The following CNTNAP5 variants were observed in gnomAD, a reference collection of about 807,000 sequenced individuals.
CNTNAP5 encodes the protein contactin associated protein family member 5, also known as contactin-associated protein-like 5.
Under a neutral mutation model 150.2 loss-of-function variants are expected in CNTNAP5, and 72 were observed. The ratio of observed to expected loss-of-function variants is 0.48; its 90% CI spans 0.40 to 0.58. CNTNAP5 has a LOEUF of 0.58. Ranked by LOEUF, CNTNAP5 falls within the 20% of genes least tolerant of loss-of-function variation. The pLI, the probability that CNTNAP5 is intolerant of heterozygous loss-of-function variation, is 0.00. For synonymous variants in CNTNAP5, 672 were observed against 619.8 expected (o/e 1.08, Z -1.25); for missense variants, 1,636 against 1,626.2 (o/e 1.01, Z -0.10).
chr2:124,760,618 T>G (rs1471252651), intron 14 of CNTNAP5, among the ~76,000 whole-genome samples: 3 of 152,150 alleles, frequency 2.0e-5, no homozygotes, highest in Admixed American at 2.0e-4. Context: ...TTGGTCATAC[T>G]AAAGTATTTT....
rs370847250 is a variant in CNTNAP5, at chr2:124,849,583, T to C, written c.3218-15723T>C. 9.2e-5 allele frequency among the ~76,000 whole-genome samples: 14 copies of C among 152,328 alleles called. No homozygotes were observed. The South Asian group carries it at 1.7e-3, about 18-fold the overall frequency. ...ATTGCTTTGAAATATACAATTGGAA[T>C]TTTAATAAGAACTGCATTGAATTTG... On this transcript the variant is annotated intron_variant, in intron 19 of 23. Transcript: ENST00000682447.
At chr2:124,098,257 A>G (rs1429496767) in intron 1 of CNTNAP5, among the ~76,000 whole-genome samples, 1 of 152,192 alleles carries the variant, frequency 6.6e-6, no homozygotes, top group Non-Finnish European at 1.5e-5. Flanking sequence ...TATATTTATT[A>G]TTTATTACCT....
chr2:124,385,390 A>G (rs968928449), intron 3 of CNTNAP5, among the ~76,000 whole-genome samples: 3 of 152,176 alleles, frequency 2.0e-5, no homozygotes, highest in African/African-American at 4.8e-5. Context: ...TATGAGATAT[A>G]CATGCCTATT....
intron 3 of CNTNAP5, among the ~76,000 whole-genome samples, chr2:124,303,317 A>G (rs2104648368): frequency 6.6e-6 from 1 of 152,332 alleles, no homozygotes; most frequent in South Asian, 2.1e-4. Flanking sequence ...CTTGTAAACT[A>G]TGTATTCAGT....
intron 1 of CNTNAP5, among the ~76,000 whole-genome samples, chr2:124,090,845 A>C (rs1273282047): frequency 6.6e-6 from 1 of 152,238 alleles, no homozygotes; most frequent in Admixed American, 6.5e-5. Context: ...CAACTAGATT[A>C]ATGCTGCACA....
intron 14 of CNTNAP5, among the ~76,000 whole-genome samples, chr2:124,761,951 C>T (rs568849324): frequency 2.0e-5 from 3 of 152,138 alleles, no homozygotes; most frequent in African/African-American, 7.2e-5. Context: ...GATGGGCAGA[C>T]TTTAGAAACT....
chr2:124,836,808 C>G (rs545659471), intron 19 of CNTNAP5, among the ~76,000 whole-genome samples: 7 of 152,182 alleles, frequency 4.6e-5, no homozygotes, highest in Non-Finnish European at 8.8e-5. Context: ...GTCATAATCC[C>G]CACTGAACAG....
chr2:124,678,579 A>G (rs918497925), intron 13 of CNTNAP5, among the ~76,000 whole-genome samples: 1 of 151,646 alleles, frequency 6.6e-6, no homozygotes, highest in African/African-American at 2.4e-5. Flanking sequence ...ATTAAATGTT[A>G]TGTCCTATGA....
intron 17 of CNTNAP5, among the ~76,000 whole-genome samples, chr2:124,785,323 T>A (rs1271751293): frequency 6.6e-6 from 1 of 152,176 alleles, no homozygotes; most frequent in Middle Eastern, 3.2e-3. Flanking sequence ...CAGTTGAGAA[T>A]TGCCATGCAA....
At chr2:124,082,975 T>G (rs998303778) in intron 1 of CNTNAP5, among the ~76,000 whole-genome samples, 3 of 152,236 alleles carry the variant, frequency 2.0e-5, no homozygotes, top group African/African-American at 7.2e-5. Flanking sequence ...ATTTGCCCAG[T>G]TGTAACTGGA....
At chr2:124,029,881 T>C (rs1188878314) in intron 1 of CNTNAP5, among the ~76,000 whole-genome samples, 1 of 152,114 alleles carries the variant, frequency 6.6e-6, no homozygotes, top group African/African-American at 2.4e-5. Context: ...TTATCCCCCT[T>C]AGATGAGAAG....
At chr2:124,793,382 T>C (rs964836746) in intron 18 of CNTNAP5, among the ~76,000 whole-genome samples, 1 of 152,222 alleles carries the variant, frequency 6.6e-6, no homozygotes, top group African/African-American at 2.4e-5. Context: ...AAATTTTTCT[T>C]CTTTTTACTA....
chr2:124,038,430 C>A (rs1165017806), intron 1 of CNTNAP5, among the ~76,000 whole-genome samples: 1 of 152,054 alleles, frequency 6.6e-6, no homozygotes, highest in Non-Finnish European at 1.5e-5. Flanking sequence ...ATAATTTGTT[C>A]AATGTCCAGT....
chr2:124,121,903 G>C (rs1683570763), intron 1 of CNTNAP5, among the ~76,000 whole-genome samples: 1 of 152,164 alleles, frequency 6.6e-6, no homozygotes. Flanking sequence ...AGTGCCTGCT[G>C]TGAACTGTAC....
chr2:124,204,828 A>G (rs572595425), intron 1 of CNTNAP5, among the ~76,000 whole-genome samples: 6 of 152,284 alleles, frequency 3.9e-5, no homozygotes, highest in African/African-American at 1.2e-4. Flanking sequence ...CTACAAATCA[A>G]GATGAGCTAT....
chr2:124,834,744 T>C (rs1682793453), intron 19 of CNTNAP5, among the ~76,000 whole-genome samples: 1 of 151,814 alleles, frequency 6.6e-6, no homozygotes, highest in African/African-American at 2.4e-5. Context: ...CTCAACACCT[T>C]CCTCTATAGT....
intron 13 of CNTNAP5, among the ~76,000 whole-genome samples, chr2:124,713,286 T>TTTCTTTC (rs1679859869): frequency 7.8e-6 from 1 of 127,494 alleles, no homozygotes; most frequent in African/African-American, 2.7e-5. Context: ...TCTTTCTTTC[T>TTTCTTTC]TTCTTTCTTT....
intron 2 of CNTNAP5, among the ~76,000 whole-genome samples, chr2:124,239,384 G>A (rs1686829469): frequency 6.6e-6 from 1 of 152,052 alleles, no homozygotes; most frequent in Non-Finnish European, 1.5e-5. Flanking sequence ...GAACTATTGA[G>A]GGTAAAAGAG....
rs186236921 is a variant in CNTNAP5 at position 124,192,492 on chromosome 2, A to G, written c.83-29213A>G. ...AGTATCTTAACTCTATTCCCCCCAAACCATGCGTCTGATGGTGCCAGTGGC... is the reference window on the plus strand; with the variant it reads ...AGTATCTTAACTCTATTCCCCCCAAGCCATGCGTCTGATGGTGCCAGTGGC... On this transcript the variant is annotated intron_variant, in intron 1 of 23. Transcript: ENST00000682447. 1.5e-3 allele frequency among the ~76,000 whole-genome samples: 235 copies of G among 151,944 alleles called. 4 individuals carry two copies. The highest frequency in any genetic ancestry group is 0.013 in the Admixed American group (197 of 15,256).
Sources: gnomAD v4.1 joint callset for allele counts (sites outside exome capture counted in the v4.1 genomes callset) on GRCh38, gnomAD v4.1.1 for gene constraint, MANE v1.5 for transcripts, NCBI Gene and HGNC (gene_info 2026-07-23, HGNC 2026-07-21) for gene names.